Variants in DNAJB7 observed in about 807,000 individuals in gnomAD.
DNAJB7 encodes the protein DnaJ heat shock protein family (Hsp40) member B7, also known as dnaJ homolog subfamily B member 7.
DNAJB7 carries 1 observed loss-of-function variant against 1.2 expected under a neutral mutation model. The ratio of observed to expected loss-of-function variants is 0.84; its 90% CI spans 0.30 to 4.01. DNAJB7 has a LOEUF of 4.01. Ranked by LOEUF, DNAJB7 falls within the 30% of genes most tolerant of loss-of-function variation. The probability of loss-of-function intolerance (pLI) is 0.18; values close to 1 mark genes in which losing one functional copy is unlikely to be tolerated. For missense variants in DNAJB7, 420 were observed against 358.5 expected, an observed-to-expected ratio of 1.17 and a Z score of -1.39; for synonymous variants, 128 against 127.7, an observed-to-expected ratio of 1.00 and a Z score of -0.01.
At position 40,861,486 on chromosome 22, in the gene DNAJB7, G is replaced by A. The variant is rs770817905; in HGVS notation, c.509C>T (p.Ser170Phe). Residue 170 changes from serine to phenylalanine, a missense_variant, in exon 1 of 1, where the codon TCT (serine) becomes TTT (phenylalanine). By Grantham distance (155) the Ser-to-Phe change is radical. Transcript: ENST00000307221. Reference protein sequence around the residue: ...QGSLGHEGLTSFSSLAFDNSG... With the variant: ...QGSLGHEGLTFFSSLAFDNSG... ...ATTATCAAAAGCCAGGGAAGAGAAAGAAGTAAGGCCTTCATGCCCCAATGA... is the reference window on the plus strand; with the variant it reads ...ATTATCAAAAGCCAGGGAAGAGAAAAAAGTAAGGCCTTCATGCCCCAATGA... 1.9e-6 allele frequency: 3 copies of A among 1,614,130 alleles called. No homozygotes were observed. Among genetic ancestry groups the A allele is most frequent in the South Asian group, 1.1e-5 (1 of 91,080 alleles).
At position 40,861,932 on chromosome 22, in the gene DNAJB7, T is replaced by A; in HGVS notation, c.63A>T (p.Lys21Asn). The A allele has an allele frequency of 6.2e-7, 1 of 1,613,262 alleles. No homozygotes were observed. The highest frequency in any genetic ancestry group is 8.5e-7 in the Non-Finnish European group (1 of 1,179,798). ...ATTTAAGTGCCACTTTATGATAAGC[T>A]TTTTTAATGTCCTCAGGTGAAGCAT... ...QRYASPEDIKKAYHKVALKWH... is the reference protein window; with the variant it reads ...QRYASPEDIKNAYHKVALKWH... Residue 21 changes from lysine (K) to asparagine (N), a missense_variant, in exon 1 of 1, where the codon AAA (lysine) becomes AAT (asparagine). Transcript: ENST00000307221.
At position 40,860,060 on chromosome 22, in the gene DNAJB7, AC is replaced by A. The variant is rs2057932685; in HGVS notation, c.*1004del. On this transcript the variant is annotated 3_prime_UTR_variant, in exon 1 of 1. Coordinates refer to ENST00000307221, the MANE Select transcript of DNAJB7 (RefSeq NM_145174.2). ...TATACTACATAAAATTTACCATGTT[AC>A]CCGTTTTTTAATTTTTTAAATTTTC... The A allele has an allele frequency of 6.6e-6, 1 of 152,140 alleles. No individual in the cohort carries two copies. The highest frequency in any genetic ancestry group is 1.5e-5 in the Non-Finnish European group (1 of 68,020). The allele number at this position is 152,140 out of a possible 1,614,324, so 9.4% of individuals were successfully genotyped here.
At position 40,861,386 on chromosome 22, in the gene DNAJB7, TTTC is replaced by T; in HGVS notation, c.606_608del (p.Lys203del). ...CTCTTTCTTGATCACTTTCAATAATTTTCTTTGTATTAATATTTCTGCCATTAA... is the reference window on the plus strand; with the variant it reads ...CTCTTTCTTGATCACTTTCAATAATTTTTGTATTAATATTTCTGCCATTAA... On this transcript the variant is annotated inframe_deletion, in exon 1 of 1. Transcript: ENST00000307221. 1 of 1,613,746 alleles carries T rather than the reference TTTC, an allele frequency of 6.2e-7. No individual in the cohort carries two copies. Among genetic ancestry groups the T allele is most frequent in the African/African-American group, 1.3e-5 (1 of 74,966 alleles).
chr22:40,861,478 A>G lies in DNAJB7; in HGVS notation c.517T>C (p.Ser173Pro). 1 of 1,614,176 alleles carries G rather than the reference A, an allele frequency of 6.2e-7. No individual in the cohort carries two copies. The highest frequency in any genetic ancestry group is 8.5e-7 in the Non-Finnish European group (1 of 1,180,022). Residue 173 changes from serine (S) to proline (P), a missense_variant, in exon 1 of 1, where the codon TCC becomes CCC. Transcript: ENST00000307221. ...LGHEGLTSFS[S>P]LAFDNSGMDN... ...ATCCCACTATTATCAAAAGCCAGGG[A>G]AGAGAAAGAAGTAAGGCCTTCATGC...
At position 40,860,827 on chromosome 22, in the gene DNAJB7, T is replaced by A. The variant is rs1452834614; in HGVS notation, c.*238A>T. 1.6e-6 allele frequency: 1 copy of A among 640,774 alleles called. No individual in the cohort carries two copies. Among genetic ancestry groups the A allele is most frequent in the African/African-American group, 1.9e-5 (1 of 53,962 alleles). 39.7% of individuals were successfully genotyped at this position (640,774 alleles called of 1,614,324 possible). On this transcript the variant is annotated 3_prime_UTR_variant, in exon 1 of 1. Transcript: ENST00000307221. Reference sequence around the variant, plus strand: ...CACCACACTTGGCTAATTTTTAAATTTTTTGTAGAGAAAAGATCTCACTAT... The same window carrying A: ...CACCACACTTGGCTAATTTTTAAATATTTTGTAGAGAAAAGATCTCACTAT...
In DNAJB7 at chr22:40,859,690, A is replaced by T. The variant is rs1267577992; in HGVS notation, c.*1375T>A. ...AAATCAAATACCGATACAAAACACA[A>T]GCTCTTGACTATAGCTGTCTTTTAA... On this transcript the variant is annotated 3_prime_UTR_variant, in exon 1 of 1. Coordinates refer to ENST00000307221, the MANE Select transcript of DNAJB7 (RefSeq NM_145174.2). 1 of 152,192 alleles carries T rather than the reference A, an allele frequency of 6.6e-6. No homozygotes were observed. Among genetic ancestry groups the T allele is most frequent in the African/African-American group, 2.4e-5 (1 of 41,454 alleles). The allele number at this position is 152,192 out of a possible 1,614,324, so 9.4% of individuals were successfully genotyped here.
Position 40,860,777 on chromosome 22 carries a change from A to G in DNAJB7, c.*288T>C. 1.4e-6 allele frequency: 1 copy of G among 692,142 alleles called. No individual in the cohort carries two copies. The highest frequency in any genetic ancestry group is 2.3e-6 in the Non-Finnish European group (1 of 428,290). 42.9% of individuals were successfully genotyped at this position (692,142 alleles called of 1,614,324 possible). ...AAGCAGTCTTTCTACCAGCTTCCCG[A>G]GTAGCTGGGACTACAGGTGCACACC... On this transcript the variant is annotated 3_prime_UTR_variant, in exon 1 of 1. Coordinates refer to ENST00000307221, the MANE Select transcript of DNAJB7 (RefSeq NM_145174.2).
Position 40,861,168 on chromosome 22 carries a change from T to A in DNAJB7, c.827A>T (p.Asn276Ile). The change falls in exon 1 of 1, where the codon AAC (asparagine) becomes ATC (isoleucine). Residue 276 changes from asparagine to isoleucine, a missense_variant. By Grantham distance (149) the Asn-to-Ile change is moderately radical. Transcript: ENST00000307221. Reference protein sequence around the residue: ...DEGGISWVTSNRDPPIFSAGV... With the variant: ...DEGGISWVTSIRDPPIFSAGV... ...TGCTGAGAAAATAGGGGGATCTCTG[T>A]TGCTGGTAACCCAAGATATACCTCC... 1 of 1,614,182 alleles carries A rather than the reference T, an allele frequency of 6.2e-7. No homozygotes were observed. The highest frequency in any genetic ancestry group is 8.5e-7 in the Non-Finnish European group (1 of 1,180,022).
In DNAJB7 at chr22:40,861,725, G is replaced by A. The variant is rs752095595; in HGVS notation, c.270C>T (p.Phe90=). The change falls in exon 1 of 1, where the codon TTC becomes TTT. Residue 90 remains phenylalanine, a synonymous_variant. Coordinates refer to ENST00000307221, the MANE Select transcript of DNAJB7 (RefSeq NM_145174.2). ...CTTTAAAAACATCATCTGGCTTATG[G>A]AATGTGAAGCCGTACTCACATTCAT... The part of the protein sequence containing the change: ...FDDECEYGFT[F]HKPDDVFKEI... 3.7e-6 allele frequency: 6 copies of A among 1,613,968 alleles called. No homozygotes were observed. The highest frequency in any genetic ancestry group is 1.6e-4 in the Middle Eastern group (1 of 6,062).
Position 40,861,451 on chromosome 22 carries a change from C to T in DNAJB7, c.544G>A (p.Asp182Asn). The T allele has an allele frequency of 1.2e-6, 2 of 1,614,086 alleles. No individual in the cohort carries two copies. The highest frequency in any genetic ancestry group is 1.7e-6 in the Non-Finnish European group (2 of 1,180,030). ...GAAGTTGTAACAGATATGTAGTTGTCCATCCCACTATTATCAAAAGCCAGG... is the reference window on the plus strand; with the variant it reads ...GAAGTTGTAACAGATATGTAGTTGTTCATCCCACTATTATCAAAAGCCAGG... ...SSLAFDNSGM[D>N]NYISVTTSDK... Residue 182 changes from aspartate (D) to asparagine (N), a missense_variant, in exon 1 of 1, where the codon GAC becomes AAC. Coordinates refer to ENST00000307221, the MANE Select transcript of DNAJB7 (RefSeq NM_145174.2).
At position 40,860,631 on chromosome 22, in the gene DNAJB7, A is replaced by C; in HGVS notation, c.*434T>G. Reference sequence around the variant, plus strand: ...TACTAAAGAAAAATTCAAAAGTAAAAAACTCATTGCAGTTTTCCAAATTCC... The same window carrying C: ...TACTAAAGAAAAATTCAAAAGTAAACAACTCATTGCAGTTTTCCAAATTCC... On this transcript the variant is annotated 3_prime_UTR_variant, in exon 1 of 1. Transcript: ENST00000307221. 1 of 1,316,320 alleles carries C rather than the reference A, an allele frequency of 7.6e-7. No homozygotes were observed. The highest frequency in any genetic ancestry group is 1.5e-5 in the South Asian group (1 of 66,774). The allele number at this position is 1,316,320 out of a possible 1,614,324, so 81.5% of individuals were successfully genotyped here.
rs1463861502 is a variant in DNAJB7, at chr22:40,861,352, C to T, written c.643G>A (p.Asp215Asn). 5 of 1,614,010 alleles carry T rather than the reference C, an allele frequency of 3.1e-6. No homozygotes were observed. The African/African-American group carries it at 4.0e-5, about 13-fold the overall frequency. ...AGAAAAAATGTCAACTCTCCATTAT[C>T]TTCAGCTTCTCTTTCTTGATCACTT... is the stretch of plus-strand genomic sequence containing the variant. ...IESDQEREAE[D>N]NGELTFFLVN... Residue 215 changes from aspartate to asparagine, a missense_variant, in exon 1 of 1, where the codon GAT (aspartate) becomes AAT (asparagine). Coordinates refer to ENST00000307221, the MANE Select transcript of DNAJB7 (RefSeq NM_145174.2).
chr22:40,862,090 T>G lies in DNAJB7; in HGVS notation c.-96A>C. The G allele has an allele frequency of 2.0e-6, 3 of 1,514,360 alleles. No individual in the cohort carries two copies. The highest frequency in any genetic ancestry group is 2.6e-6 in the Non-Finnish European group (3 of 1,137,436). The allele number at this position is 1,514,360 out of a possible 1,614,324, so 93.8% of individuals were successfully genotyped here. The stretch of plus-strand genomic sequence containing the variant: ...TGGTGGTGGTGATAGAGGTAGTGAC[T>G]GCAAATAGGTACACTTTTATGTTAA... On this transcript the variant is annotated 5_prime_UTR_variant, in exon 1 of 1. Transcript: ENST00000307221.
chr22:40,861,103 T>C lies in DNAJB7; in HGVS notation c.892A>G (p.Lys298Glu), dbSNP rs2057942208. ...TTGGTAGACTTCTTTTGCACCTCTT[T>C]ACGCTTCTTTTTTTTCCTCTTACCA... ...EGGKRKKKKR[K>E]EVQKKSTKRN... is the part of the protein sequence containing the mutation. The change falls in exon 1 of 1, where the codon AAA becomes GAA. Residue 298 changes from lysine (K) to glutamate (E), a missense_variant. Coordinates refer to ENST00000307221, the MANE Select transcript of DNAJB7 (RefSeq NM_145174.2). The C allele has an allele frequency of 1.2e-6, 2 of 1,610,862 alleles. No individual in the cohort carries two copies. Among genetic ancestry groups the C allele is most frequent in the Non-Finnish European group, 8.5e-7 (1 of 1,179,042 alleles).
In DNAJB7 at chr22:40,860,865, A is replaced by G. The variant is rs2057939734; in HGVS notation, c.*200T>C. The G allele has an allele frequency of 1.5e-6, 1 of 668,484 alleles. No individual in the cohort carries two copies. The highest frequency in any genetic ancestry group is 1.8e-5 in the African/African-American group (1 of 54,854). 41.4% of individuals were successfully genotyped at this position (668,484 alleles called of 1,614,324 possible). On this transcript the variant is annotated 3_prime_UTR_variant, in exon 1 of 1. Transcript: ENST00000307221. The stretch of plus-strand genomic sequence containing the variant: ...AAGATCTCACTATACTGCCCAGGCA[A>G]ATTCTTATTAGCACCAACTGTCACC...
At position 40,860,737 on chromosome 22, in the gene DNAJB7, A is replaced by G. The variant is rs371177723; in HGVS notation, c.*328T>C. On this transcript the variant is annotated 3_prime_UTR_variant, in exon 1 of 1. Transcript: ENST00000307221. ...GCGTGATCCCATTACACTGCAACCT[A>G]TGTCTTCCAGGCTCAAGCAGTCTTT... 4 of 824,326 alleles carry G rather than the reference A, an allele frequency of 4.9e-6. No individual in the cohort carries two copies. The highest frequency in any genetic ancestry group is 7.5e-6 in the Non-Finnish European group (4 of 533,574). 51.1% of individuals were successfully genotyped at this position (824,326 alleles called of 1,614,324 possible). A position where few individuals can be genotyped will look rare whatever the true frequency, so the allele number is the denominator to read the frequency against.
rs767372693 is a variant in DNAJB7, at chr22:40,860,678, G to T, written c.*387C>A. 4.8e-5 allele frequency: 58 copies of T among 1,220,000 alleles called. No homozygotes were observed. The highest frequency in any genetic ancestry group is 3.9e-4 in the Middle Eastern group (2 of 5,142). The allele number at this position is 1,220,000 out of a possible 1,614,324, so 75.6% of individuals were successfully genotyped here. A position where few individuals can be genotyped will look rare whatever the true frequency, so the allele number is the denominator to read the frequency against. On this transcript the variant is annotated 3_prime_UTR_variant, in exon 1 of 1. Coordinates refer to ENST00000307221, the MANE Select transcript of DNAJB7 (RefSeq NM_145174.2). ...TTCCTTTTTTTTTTTTTTAAGACAGGGTCTTACTTTGTCACCCAAGCTGGA... is the reference window on the plus strand; with the variant it reads ...TTCCTTTTTTTTTTTTTTAAGACAGTGTCTTACTTTGTCACCCAAGCTGGA...
chr22:40,861,594 G>A lies in DNAJB7; in HGVS notation c.401C>T (p.Ala134Val). The A allele has an allele frequency of 6.2e-7, 1 of 1,613,102 alleles. No homozygotes were observed. The highest frequency in any genetic ancestry group is 8.5e-7 in the Non-Finnish European group (1 of 1,179,764). Residue 134 changes from alanine to valine, a missense_variant, in exon 1 of 1, where the codon GCA becomes GTA. By Grantham distance (64) the Ala-to-Val change is moderately conservative. Coordinates refer to ENST00000307221, the MANE Select transcript of DNAJB7 (RefSeq NM_145174.2). ...ACTGGCAGTGGAGAAAAAGTATCCT[G>A]CATCTCTGTTTCTGTTTCCATAGGA... Reference protein sequence around the residue: ...GSSYGNRNRDAGYFFSTASEY... With the variant: ...GSSYGNRNRDVGYFFSTASEY...
rs951520499 is a variant in DNAJB7, at chr22:40,861,307, C to T, written c.688G>A (p.Glu230Lys). ...CTGCATTCTTTTGCAAAGCCCTCTTCATTGGCCACACTATTTACAAGAAAA... is the reference window on the plus strand; with the variant it reads ...CTGCATTCTTTTGCAAAGCCCTCTTTATTGGCCACACTATTTACAAGAAAA... ...TFFLVNSVAN[E>K]EGFAKECSWR... Residue 230 changes from glutamate to lysine, a missense_variant, in exon 1 of 1, where the codon GAA becomes AAA. Transcript: ENST00000307221. 4.3e-6 allele frequency: 7 copies of T among 1,614,034 alleles called. No homozygotes were observed. In the Admixed American group the frequency reaches 6.7e-5, roughly 15 times the overall value.
Sources: gnomAD v4.1 joint callset for allele counts on GRCh38, gnomAD v4.1.1 for gene constraint, MANE v1.5 for transcripts, NCBI Gene and HGNC (gene_info 2026-07-23, HGNC 2026-07-21) for gene names.